AFAP1: variants seen among roughly 807,000 people sequenced by gnomAD.
AFAP1 encodes actin filament-associated protein 1.
In AFAP1, 75 loss-of-function variants were observed where a neutral mutation model predicts 93.9. The ratio of observed to expected loss-of-function variants is 0.80; its 90% CI spans 0.66 to 0.97. The LOEUF is 0.97. Ranked by LOEUF, AFAP1 falls within the 50% of genes least tolerant of loss-of-function variation. The pLI, the probability that AFAP1 is intolerant of heterozygous loss-of-function variation, is 0.00. For missense variants in AFAP1, 1,201 were observed against 1,050.8 expected (o/e 1.14, Z -1.98); for synonymous variants, 517 against 430.7 (o/e 1.20, Z -2.48).
At chr4:7,817,818 T>TA (rs982433930) in intron 7 of AFAP1, among the ~76,000 whole-genome samples, 9 of 149,532 alleles carry the variant, frequency 6.0e-5, no homozygotes, top group Admixed American at 2.0e-4. Flanking sequence ...TCCAAACCAT[T>TA]AAAAAAAAAC....
chr4:7,830,799 G>A (rs540425129), intron 6 of AFAP1, among the ~76,000 whole-genome samples: 3 of 152,020 alleles, frequency 2.0e-5, no homozygotes, highest in Non-Finnish European at 4.4e-5. Context: ...TATAGAGATA[G>A]CCTCTTGCTA....
At position 7,781,563 on chromosome 4, in the gene AFAP1, TCATAAAG is replaced by T. The variant is rs1329603886; in HGVS notation, c.1588_1594del (p.Leu530IlefsTer83). The T allele has an allele frequency of 1.4e-5, 22 of 1,551,826 alleles. No homozygotes were observed. The highest frequency in any genetic ancestry group is 1.8e-5 in the Non-Finnish European group (21 of 1,147,058). ...CAAGTTATCGTACAGGCCTGCGTTA[TCATAAAG>T]CACCTCTTCTCCCAAGCCTCTGCTG... On this transcript the variant is annotated frameshift_variant, in exon 13 of 18. Coordinates refer to ENST00000420658, the MANE Select transcript of AFAP1 (RefSeq NM_001134647.2). LOFTEE classifies it high-confidence loss of function.
chr4:7,809,436 G>A, intron 9 of AFAP1, 178 bp downstream of exon 9: 1 of 678,126 alleles, frequency 1.5e-6, no homozygotes, highest in Non-Finnish European at 2.2e-6. Flanking sequence ...AGTCTTGTAT[G>A]AATAAGAGGC....
At chr4:7,827,234 G>A (rs948329402) in intron 6 of AFAP1, among the ~76,000 whole-genome samples, 6 of 151,942 alleles carry the variant, frequency 3.9e-5, no homozygotes, top group Middle Eastern at 3.4e-3. Context: ...CACAATCTAC[G>A]GGAAGTATCA....
intron 1 of AFAP1, among the ~76,000 whole-genome samples, chr4:7,895,659 AAACT>A (rs1374094408): frequency 1.1e-4 from 16 of 152,298 alleles, no homozygotes; most frequent in African/African-American, 3.6e-4. Context: ...ACAGGTGAGA[AAACT>A]AACTCTCAGG....
At chr4:7,910,876 T>C (rs1719686364) in intron 1 of AFAP1, among the ~76,000 whole-genome samples, 1 of 152,130 alleles carries the variant, frequency 6.6e-6, no homozygotes. Context: ...GGTGAGGGCG[T>C]GCTTGAGAGG....
chr4:7,819,351 C>T (rs1288518275), intron 6 of AFAP1, among the ~76,000 whole-genome samples, 180 bp from the exon 7 acceptor site: 2 of 152,186 alleles, frequency 1.3e-5, no homozygotes, highest in East Asian at 3.9e-4. Context: ...TGCATTCATT[C>T]ACCCAAAGTC....
chr4:7,771,687 T>C (rs1449598842), intron 16 of AFAP1, among the ~76,000 whole-genome samples: 9 of 152,198 alleles, frequency 5.9e-5, no homozygotes, highest in Admixed American at 5.9e-4. Flanking sequence ...AGCCCTGGCC[T>C]GTGTGACCCC....
intron 3 of AFAP1, among the ~76,000 whole-genome samples, chr4:7,868,021 A>G (rs763067032): frequency 3.3e-5 from 5 of 152,170 alleles, no homozygotes; most frequent in Non-Finnish European, 7.4e-5. Context: ...AACAAGTTAG[A>G]AAACAGCCAA....
At chr4:7,836,216 A>G (rs4274847) in intron 6 of AFAP1, among the ~76,000 whole-genome samples, 14,437 of 152,270 alleles carry the variant, frequency 0.095, 1,275 homozygotes, top group East Asian at 0.49. Flanking sequence ...GTTCTTACAT[A>G]TGACCCAAGA....
chr4:7,833,885 A>G (rs1478752650), intron 6 of AFAP1, among the ~76,000 whole-genome samples: 1 of 151,880 alleles, frequency 6.6e-6, no homozygotes, highest in Non-Finnish European at 1.5e-5. Context: ...ACTGCGCCCG[A>G]CCTGGAGGTT....
In AFAP1 at chr4:7,886,229, G is replaced by C. The variant is rs114811065; in HGVS notation, c.-2-14149C>G. Among the ~76,000 whole-genome samples the C allele has an allele frequency of 5.8e-3, 883 of 152,272 alleles. 6 individuals carry two copies. Among genetic ancestry groups the C allele is most frequent in the African/African-American group, 0.019 (779 of 41,548 alleles). On this transcript the variant is annotated intron_variant, in intron 1 of 17. Coordinates refer to ENST00000420658, the MANE Select transcript of AFAP1 (RefSeq NM_001134647.2). ...TCCCAGTTCCGTAATGTATAATGTG[G>C]GGATAATAACAGTTATGTGCCTACC... is the stretch of plus-strand genomic sequence containing the variant.
At position 7,793,745 on chromosome 4, in the gene AFAP1, G is replaced by T; in HGVS notation, c.1348C>A (p.His450Asn). Residue 450 changes from histidine (H) to asparagine (N), a missense_variant, in exon 11 of 18, where the codon CAC (histidine) becomes AAC (asparagine). Physicochemically the swap from His to Asn is moderately conservative, Grantham distance 68 (BLOSUM62 1). Coordinates refer to ENST00000420658, the MANE Select transcript of AFAP1 (RefSeq NM_001134647.2). ...ATCTCCACATCAATGTAGTCATAGT[G>T]CAGAGCCTCCGGGTCTGTGGACGAT... ...TGSSTDPEAL[H>N]YDYIDVEMSA... The T allele has an allele frequency of 6.3e-7, 1 of 1,579,192 alleles. No individual in the cohort carries two copies. The highest frequency in any genetic ancestry group is 8.7e-7 in the Non-Finnish European group (1 of 1,152,982).
intron 1 of AFAP1, among the ~76,000 whole-genome samples, chr4:7,932,291 T>C (rs1227483828): frequency 1.3e-5 from 2 of 152,218 alleles, no homozygotes; most frequent in African/African-American, 4.8e-5. Flanking sequence ...TTTAAACTAC[T>C]TGGTGACCAC....
chr4:7,781,696 T>C (rs773228974), intron 12 of AFAP1, 69 bp from the exon 13 acceptor site: 681 of 1,526,214 alleles, frequency 4.5e-4, no homozygotes, highest in Non-Finnish European at 5.6e-4. Flanking sequence ...CACAGTGAGA[T>C]GTCATTTATT....
intron 17 of AFAP1, among the ~76,000 whole-genome samples, chr4:7,764,988 C>T (rs1714352953): frequency 6.6e-6 from 1 of 152,146 alleles, no homozygotes; most frequent in Non-Finnish European, 1.5e-5. Flanking sequence ...CACCCATAGT[C>T]CCAGCTACTC....
In AFAP1 at chr4:7,761,137, T is replaced by G. The variant is rs182643687; in HGVS notation, c.*2628A>C. On this transcript the variant is annotated 3_prime_UTR_variant, in exon 18 of 18. Transcript: ENST00000420658. ...AGATGGCTCGCGTGTGTCTAATATG[T>G]ACAGATATAAATTAAAAACTATATT... 6.6e-6 allele frequency: 1 copy of G among 152,346 alleles called. No individual in the cohort carries two copies. The highest frequency in any genetic ancestry group is 1.9e-4 in the East Asian group (1 of 5,186). 9.4% of individuals were successfully genotyped at this position (152,346 alleles called of 1,614,324 possible).
At chr4:7,930,122 G>A (rs1435972476) in intron 1 of AFAP1, among the ~76,000 whole-genome samples, 3 of 152,164 alleles carry the variant, frequency 2.0e-5, no homozygotes, top group Non-Finnish European at 4.4e-5. Context: ...AAGTAAGAGA[G>A]GTGACACACA....
Position 7,886,107 on chromosome 4 carries a change from AAGCTTCCCTC to A in AFAP1, c.-2-14037_-2-14028del, listed in dbSNP as rs533208062. ...TAGCTTTAGGCACTGTCTGGTTGGA[AAGCTTCCCTC>A]AGCTGGACTGCATCTAAAATTCTTT... On this transcript the variant is annotated intron_variant, in intron 1 of 17. Coordinates refer to ENST00000420658, the MANE Select transcript of AFAP1 (RefSeq NM_001134647.2). 2.1e-4 allele frequency among the ~76,000 whole-genome samples: 32 copies of A among 152,338 alleles called. No individual in the cohort carries two copies. The East Asian group carries it at 6.2e-3, about 29-fold the overall frequency.
Sources: allele counts gnomAD v4.1 joint callset (sites outside exome capture counted in the v4.1 genomes callset), GRCh38; gene constraint gnomAD v4.1.1; transcripts MANE v1.5; gene names NCBI Gene and HGNC (gene_info 2026-07-23, HGNC 2026-07-21).